Variants in WBP2NL observed in about 807,000 individuals in gnomAD.
The protein encoded by WBP2NL is postacrosomal sheath WW domain-binding protein.
A neutral mutation model predicts 23.3 loss-of-function variants in WBP2NL; 27 were observed. The observed-to-expected ratio is 1.16, with a 90% CI of 0.85 to 1.60. The LOEUF (loss-of-function observed/expected upper bound fraction) is 1.60, where lower values mean the gene tolerates loss of function less well. WBP2NL is among the 40% of genes most tolerant of loss of function. The pLI is 0.00. For synonymous variants in WBP2NL, 151 were observed against 145.9 expected (o/e 1.03, Z -0.25); for missense variants, 370 against 389.5 (o/e 0.95, Z 0.42).
At chr22:42,042,338 C>T (rs1263025891) in intron 8 of WBP2NL, among the ~76,000 whole-genome samples, 1 of 152,104 alleles carries the variant, frequency 6.6e-6, no homozygotes, top group Non-Finnish European at 1.5e-5. Context: ...TATAAGCTTT[C>T]TTCGTACATT....
intron 8 of WBP2NL, among the ~76,000 whole-genome samples, chr22:42,048,273 A>T (rs868189863): frequency 6.8e-6 from 1 of 147,364 alleles, no homozygotes; most frequent in African/African-American, 2.7e-5. Flanking sequence ...TACAAAAATT[A>T]GCCGGGCGTG....
chr22:42,045,681 G>T (rs569670868), intron 8 of WBP2NL, among the ~76,000 whole-genome samples: 5 of 152,214 alleles, frequency 3.3e-5, no homozygotes, highest in Admixed American at 2.0e-4. Flanking sequence ...AATCTCAATA[G>T]CCCTATATGT....
At chr22:42,029,992 A>G (rs1052793873), downstream of WBP2NL, 1 of 152,234 alleles carries the variant, frequency 6.6e-6, no homozygotes, top group East Asian at 1.9e-4. Flanking sequence ...AGATGCTCCC[A>G]TGTTCTCAAG....
At chr22:42,018,999 G>A (rs1923611523) in intron 1 of WBP2NL, among the ~76,000 whole-genome samples, 1 of 151,476 alleles carries the variant, frequency 6.6e-6, no homozygotes, top group Non-Finnish European at 1.5e-5. Flanking sequence ...GAGGCGGGCG[G>A]ATCACAAGGT....
At chr22:42,046,189 G>A (rs1465539726) in intron 8 of WBP2NL, among the ~76,000 whole-genome samples, 6 of 152,334 alleles carry the variant, frequency 3.9e-5, no homozygotes, top group African/African-American at 1.4e-4. Context: ...GTAGGGTGAG[G>A]TGGGGGAGTA....
At chr22:42,022,571 A>C (rs1036796996) in intron 5 of WBP2NL, among the ~76,000 whole-genome samples, 1 of 152,214 alleles carries the variant, frequency 6.6e-6, no homozygotes, top group Non-Finnish European at 1.5e-5. Context: ...TTAATGATAT[A>C]TACAAACCTG....
downstream of WBP2NL, among the ~76,000 whole-genome samples, chr22:42,037,128 TTG>T (rs3045493): frequency 0.024 from 3,622 of 148,040 alleles, 62 homozygotes; most frequent in African/African-American, 0.038. Context: ...CAGATTTCAT[TTG>T]TGTGTGTGTG....
At chr22:42,047,268 TCAAAAAA>T (rs1925623656) in intron 8 of WBP2NL, among the ~76,000 whole-genome samples, 1 of 36,224 alleles carries the variant, frequency 2.8e-5, no homozygotes, top group African/African-American at 8.1e-5. Context: ...ATTTTCAAGC[TCAAAAAA>T]AAAAAAAAAA....
At chr22:42,006,762 C>G (rs1443108782) in intron 1 of WBP2NL, among the ~76,000 whole-genome samples, 1 of 152,130 alleles carries the variant, frequency 6.6e-6, no homozygotes, top group East Asian at 1.9e-4. Flanking sequence ...GTTCGGAGTT[C>G]CCATTATATT....
Position 42,010,563 on chromosome 22 carries a change from G to A in WBP2NL, c.63-8748G>A, listed in dbSNP as rs558903605. ...CTTTTTTTTCTTTTTTTTTGAGACG[G>A]AGTCTCGCTCTGTTGCCCAGGCTGG... On this transcript the variant is annotated intron_variant, in intron 1 of 5. Coordinates refer to ENST00000328823, the MANE Select transcript of WBP2NL (RefSeq NM_152613.3). Among the ~76,000 whole-genome samples the A allele has an allele frequency of 1.1e-4, 16 of 151,766 alleles. No individual in the cohort carries two copies. The South Asian group carries it at 1.2e-3, about 12-fold the overall frequency.
chr22:42,006,778 TC>T (rs1922294828), intron 1 of WBP2NL, among the ~76,000 whole-genome samples: 1 of 152,220 alleles, frequency 6.6e-6, no homozygotes, highest in South Asian at 2.1e-4. Context: ...ATATTTTGAC[TC>T]CTCTTGCCTA....
At position 42,022,290 on chromosome 22, in the gene WBP2NL, A is replaced by C. The variant is rs79752355; in HGVS notation, c.448A>C (p.Ser150Arg). The change falls in exon 5 of 6, where the codon AGC becomes CGC. Residue 150 changes from serine to arginine, a missense_variant. By Grantham distance (110) the Ser-to-Arg change is moderately radical (BLOSUM62 -1). Coordinates refer to ENST00000328823, the MANE Select transcript of WBP2NL (RefSeq NM_152613.3). ...FPLRTLNDWF[S>R]SMGIYVITGE... ...ACTTAGAACCTTAAATGACTGGTTCAGCTCTATGGGAATTTATGTAATTAC... is the reference window on the plus strand; with the variant it reads ...ACTTAGAACCTTAAATGACTGGTTCCGCTCTATGGGAATTTATGTAATTAC... 2.3e-4 allele frequency: 366 copies of C among 1,614,194 alleles called. No homozygotes were observed. The African/African-American group carries it at 4.3e-3, about 19-fold the overall frequency.
At chr22:42,044,962 T>C (rs532757913) in intron 8 of WBP2NL, among the ~76,000 whole-genome samples, 128 of 152,052 alleles carry the variant, frequency 8.4e-4, no homozygotes, top group African/African-American at 3.0e-3. Context: ...TACAGGCACA[T>C]GCCACACCTG....
Position 42,057,846 on chromosome 22 carries a change from T to TATAC in WBP2NL, c.*274-443_*274-442insTACA, listed in dbSNP as rs541863824. On this transcript the variant is annotated intron_variant and NMD_transcript_variant, in intron 8 of 8. Transcript: ENST00000436265. ...AAGGTCATATATATATATATATATA[T>TATAC]ACACATATATGTGTGTGTGTATGTA... is the stretch of plus-strand genomic sequence containing the variant. Among the ~76,000 whole-genome samples, 879 of 117,404 alleles carry TATAC rather than the reference T, an allele frequency of 7.5e-3. 18 individuals are homozygous for TATAC. The highest frequency in any genetic ancestry group is 0.024 in the African/African-American group (712 of 30,114). The allele number at this position is 117,404 out of a possible 152,430, so 77.0% of individuals were successfully genotyped here.
intron 5 of WBP2NL, 117 bp from the exon 6 acceptor site, chr22:42,026,649 T>A: frequency 1.4e-6 from 2 of 1,470,234 alleles, no homozygotes; most frequent in Non-Finnish European, 1.8e-6. Flanking sequence ...AGCATTATTC[T>A]GCCTGACTTC....
At chr22:42,008,746 T>TA (rs1922530095) in intron 1 of WBP2NL, among the ~76,000 whole-genome samples, 2 of 152,140 alleles carry the variant, frequency 1.3e-5, no homozygotes. Flanking sequence ...TAGCTGGGAT[T>TA]ACAGGTGCCC....
chr22:42,031,670 CAT>C (rs997454263), downstream of WBP2NL: 1 of 151,780 alleles, frequency 6.6e-6, no homozygotes, highest in Non-Finnish European at 1.5e-5. Context: ...AGGACAAAAA[CAT>C]ATAGTTGGTG....
chr22:42,032,072 G>C (rs1462994579), downstream of WBP2NL: 1 of 152,156 alleles, frequency 6.6e-6, no homozygotes, highest in Non-Finnish European at 1.5e-5. Flanking sequence ...CTGTTACCAA[G>C]ATCCCCACCA....
Position 42,022,230 on chromosome 22 carries a change from G to C in WBP2NL, c.407-19G>C. 6.2e-7 allele frequency: 1 copy of C among 1,609,236 alleles called. No homozygotes were observed. Among genetic ancestry groups the C allele is most frequent in the Non-Finnish European group, 8.5e-7 (1 of 1,175,638 alleles). ...ACTTAATTAAAAGAGTTCCTATTTTGCCAAATTTGTCTTTCCAGCTGCCCG... is the reference window on the plus strand; with the variant it reads ...ACTTAATTAAAAGAGTTCCTATTTTCCCAAATTTGTCTTTCCAGCTGCCCG... On this transcript the variant is annotated intron_variant, in intron 4 of 5. Transcript: ENST00000328823.
Sources: allele counts gnomAD v4.1 joint callset (sites outside exome capture counted in the v4.1 genomes callset), GRCh38; gene constraint gnomAD v4.1.1; transcripts MANE v1.5; gene names NCBI Gene and HGNC (gene_info 2026-07-23, HGNC 2026-07-21).